Variants in HS6ST3 observed in about 807,000 individuals in gnomAD.
The protein encoded by HS6ST3 is heparan-sulfate 6-O-sulfotransferase 3.
HS6ST3 carries 12 observed loss-of-function variants against 36.7 expected under a neutral mutation model. That is an observed-to-expected ratio of 0.33 (90% CI 0.21 to 0.53). The LOEUF (loss-of-function observed/expected upper bound fraction) is 0.53. HS6ST3 is among the 20% of genes least tolerant of loss of function. HS6ST3 has a pLI of 0.95. For synonymous variants in HS6ST3, 240 were observed against 257.5 expected (o/e 0.93, Z 0.65); for missense variants, 584 against 640.9 (o/e 0.91, Z 0.96).
chr13:96,313,224 T>C (rs1410298276), intron 1 of HS6ST3, among the ~76,000 whole-genome samples: 6 of 151,984 alleles, frequency 3.9e-5, no homozygotes, highest in Admixed American at 1.3e-4. Context: ...CTTTCTATTA[T>C]TTTAGGATTT....
intron 1 of HS6ST3, among the ~76,000 whole-genome samples, chr13:96,424,740 A>G (rs1247570706): frequency 6.6e-6 from 1 of 152,144 alleles, no homozygotes; most frequent in East Asian, 1.9e-4. Flanking sequence ...TGACCTGATT[A>G]TCTTCAAATA....
At chr13:96,334,187 A>ATTT (rs2055087521) in intron 1 of HS6ST3, among the ~76,000 whole-genome samples, 1 of 152,196 alleles carries the variant, frequency 6.6e-6, no homozygotes. Context: ...GAGTTTGAAT[A>ATTT]TAAGTTCATG....
intron 1 of HS6ST3, among the ~76,000 whole-genome samples, chr13:96,158,495 CA>C (rs1367547474): frequency 1.3e-5 from 2 of 150,670 alleles, no homozygotes; most frequent in African/African-American, 4.9e-5. Context: ...TATTAAAATA[CA>C]AAAAAAATTA....
intron 1 of HS6ST3, among the ~76,000 whole-genome samples, chr13:96,652,097 A>G (rs1228907563): frequency 6.6e-6 from 1 of 152,076 alleles, no homozygotes; most frequent in East Asian, 1.9e-4. Context: ...GTTGTGTAAT[A>G]CAGTTTATGT....
At chr13:96,515,457 A>G (rs2056068585) in intron 1 of HS6ST3, among the ~76,000 whole-genome samples, 1 of 152,210 alleles carries the variant, frequency 6.6e-6, no homozygotes. Context: ...GCACATGCAG[A>G]GCACATTCAC....
At chr13:96,719,962 G>T (rs549025635) in intron 1 of HS6ST3, among the ~76,000 whole-genome samples, 2 of 152,142 alleles carry the variant, frequency 1.3e-5, no homozygotes, top group African/African-American at 4.8e-5. Context: ...TGGGTTAAAG[G>T]GGGTGCTGTC....
chr13:96,438,819 A>G (rs1566361292), intron 1 of HS6ST3, among the ~76,000 whole-genome samples: 1 of 152,162 alleles, frequency 6.6e-6, no homozygotes, highest in Admixed American at 6.5e-5. Context: ...TAATCCTGGC[A>G]TTGTGGGAGG....
chr13:96,318,049 T>C (rs2054984769), intron 1 of HS6ST3, among the ~76,000 whole-genome samples: 1 of 152,174 alleles, frequency 6.6e-6, no homozygotes, highest in African/African-American at 2.4e-5. Flanking sequence ...AGCTCTTTAG[T>C]TTAATTAGGT....
At chr13:96,687,916 A>G (rs1306241414) in intron 1 of HS6ST3, among the ~76,000 whole-genome samples, 7 of 152,012 alleles carry the variant, frequency 4.6e-5, no homozygotes. Flanking sequence ...AAATCTGTGA[A>G]TGGGTTTGAC....
At chr13:96,498,252 C>T (rs141771584) in intron 1 of HS6ST3, among the ~76,000 whole-genome samples, 170 of 152,232 alleles carry the variant, frequency 1.1e-3, no homozygotes, top group African/African-American at 4.0e-3. Flanking sequence ...CTTTGGTGAG[C>T]CCAAACTTTA....
At chr13:96,184,221 A>AAAAAAGAGAGAGAGAGAGAG (rs1555389928) in intron 1 of HS6ST3, among the ~76,000 whole-genome samples, 1 of 61,004 alleles carries the variant, frequency 1.6e-5, no homozygotes, top group African/African-American at 7.4e-5. Context: ...AAAAAAAAAA[A>AAAAAAGAGAGAGAGAGAGAG]AGAGAGAGAG....
At chr13:96,150,296 A>T (rs1162774366) in intron 1 of HS6ST3, among the ~76,000 whole-genome samples, 2 of 152,126 alleles carry the variant, frequency 1.3e-5, no homozygotes, top group Non-Finnish European at 2.9e-5. Flanking sequence ...GGAAAAGCAC[A>T]ATTCGATTGG....
intron 1 of HS6ST3, among the ~76,000 whole-genome samples, chr13:96,410,259 T>C (rs2055500749): frequency 6.6e-6 from 1 of 152,154 alleles, no homozygotes; most frequent in Non-Finnish European, 1.5e-5. Flanking sequence ...GATATAATGT[T>C]ACACAATATG....
intron 1 of HS6ST3, among the ~76,000 whole-genome samples, chr13:96,644,771 T>G (rs1351784713): frequency 3.9e-5 from 6 of 151,924 alleles, no homozygotes; most frequent in Non-Finnish European, 7.4e-5. Flanking sequence ...GAAAGCAAAA[T>G]TGCCAGACCC....
chr13:96,676,401 G>A (rs1182112711), intron 1 of HS6ST3, among the ~76,000 whole-genome samples: 1 of 152,092 alleles, frequency 6.6e-6, no homozygotes, highest in African/African-American at 2.4e-5. Context: ...AGAGCCACTT[G>A]AACCAGAAGT....
At chr13:96,515,694 C>A (rs2056069569) in intron 1 of HS6ST3, among the ~76,000 whole-genome samples, 1 of 152,122 alleles carries the variant, frequency 6.6e-6, no homozygotes, top group South Asian at 2.1e-4. Context: ...GTTCTTTCTT[C>A]CATGCTCTCT....
chr13:96,129,882 A>T (rs959019572), intron 1 of HS6ST3, among the ~76,000 whole-genome samples: 2 of 152,162 alleles, frequency 1.3e-5, no homozygotes, highest in Non-Finnish European at 2.9e-5. Context: ...AACTCTGTAG[A>T]TTGCTTGATT....
chr13:96,605,695 A>G (rs2056436236), intron 1 of HS6ST3, among the ~76,000 whole-genome samples: 1 of 152,194 alleles, frequency 6.6e-6, no homozygotes, highest in Non-Finnish European at 1.5e-5. Flanking sequence ...AGAAAAGTTA[A>G]GTGACTCATT....
chr13:96,152,380 C>T (rs2054089997), intron 1 of HS6ST3, among the ~76,000 whole-genome samples: 1 of 136,474 alleles, frequency 7.3e-6, no homozygotes, highest in African/African-American at 2.7e-5. Context: ...CTCTGTCCCC[C>T]AGGCTGGAGT....
Sources: gnomAD v4.1 joint callset for allele counts (sites outside exome capture counted in the v4.1 genomes callset) on GRCh38, gnomAD v4.1.1 for gene constraint, MANE v1.5 for transcripts, NCBI Gene and HGNC (gene_info 2026-07-23, HGNC 2026-07-21) for gene names.